Variants in CTNNA3 observed in about 807,000 individuals in gnomAD.
The protein encoded by CTNNA3 is catenin alpha 3, also known as catenin alpha-3.
CTNNA3 carries 76 observed loss-of-function variants against 95.7 expected under a neutral mutation model. The ratio of observed to expected loss-of-function variants is 0.79; its 90% CI spans 0.66 to 0.96. The LOEUF (loss-of-function observed/expected upper bound fraction) is 0.96, where lower values mean the gene tolerates loss of function less well. CTNNA3 is among the 40% of genes least tolerant of loss of function. CTNNA3 has a pLI of 0.00. For missense variants in CTNNA3, 1,191 were observed against 1,089.8 expected, an observed-to-expected ratio of 1.09 and a Z score of -1.31; for synonymous variants, 431 against 374.4, an observed-to-expected ratio of 1.15 and a Z score of -1.74.
intron 11 of CTNNA3, among the ~76,000 whole-genome samples, chr10:66,427,488 A>G (rs1327938474): frequency 3.3e-5 from 5 of 152,088 alleles, no homozygotes; most frequent in African/African-American, 9.7e-5. Context: ...GCACTGAAGA[A>G]AGATTAGTGA....
At chr10:66,103,633 C>T (rs1168979965) in intron 13 of CTNNA3, among the ~76,000 whole-genome samples, 3 of 152,150 alleles carry the variant, frequency 2.0e-5, no homozygotes, top group African/African-American at 7.2e-5. Flanking sequence ...CAAAAGGCCA[C>T]ATATTGTATG....
intron 10 of CTNNA3, among the ~76,000 whole-genome samples, chr10:66,536,377 G>A (rs1238916885): frequency 6.6e-6 from 1 of 150,832 alleles, no homozygotes; most frequent in Non-Finnish European, 1.5e-5. Flanking sequence ...AGCTACTCAG[G>A]AAGCAGAGGC....
At chr10:67,169,040 G>GC (rs1861901530) in intron 7 of CTNNA3, among the ~76,000 whole-genome samples, 1 of 152,100 alleles carries the variant, frequency 6.6e-6, no homozygotes, top group African/African-American at 2.4e-5. Flanking sequence ...ATTCACAATT[G>GC]CCACAAAAAG....
chr10:67,206,828 A>C (rs986799145), intron 6 of CTNNA3, among the ~76,000 whole-genome samples: 3 of 152,010 alleles, frequency 2.0e-5, no homozygotes, highest in African/African-American at 7.2e-5. Flanking sequence ...AATCAAGCCA[A>C]TATCCCATAA....
At chr10:65,978,197 TATC>T (rs1197243387) in intron 16 of CTNNA3, among the ~76,000 whole-genome samples, 1 of 152,154 alleles carries the variant, frequency 6.6e-6, no homozygotes, top group Admixed American at 6.6e-5. Flanking sequence ...CTCCTTTCCT[TATC>T]ATTCTAAGAA....
At chr10:66,353,978 A>G (rs10822818) in intron 12 of CTNNA3, among the ~76,000 whole-genome samples, 80,085 of 151,906 alleles carry the variant, frequency 0.53, 22,982 homozygotes, top group Non-Finnish European at 0.64. Flanking sequence ...TATCCGTGAC[A>G]TTTGTAAAAA....
chr10:66,445,663 C>CA (rs2093414742), intron 11 of CTNNA3, among the ~76,000 whole-genome samples: 1 of 151,800 alleles, frequency 6.6e-6, no homozygotes, highest in Non-Finnish European at 1.5e-5. Context: ...CTCTGGGACA[C>CA]GTTCAAAGCA....
intron 5 of CTNNA3, among the ~76,000 whole-genome samples, chr10:67,361,306 A>G (rs1332082880): frequency 6.6e-6 from 1 of 152,146 alleles, no homozygotes; most frequent in Non-Finnish European, 1.5e-5. Flanking sequence ...TACTCCACTC[A>G]TCAACCACAG....
chr10:67,012,774 G>C (rs1180189462), intron 7 of CTNNA3, among the ~76,000 whole-genome samples: 3 of 151,960 alleles, frequency 2.0e-5, no homozygotes, highest in Non-Finnish European at 4.4e-5. Flanking sequence ...CAAGATTTTT[G>C]TTGGAATTCA....
intron 10 of CTNNA3, among the ~76,000 whole-genome samples, chr10:66,571,610 G>T (rs1267870407): frequency 5.3e-5 from 8 of 152,088 alleles, no homozygotes; most frequent in Non-Finnish European, 1.2e-4. Context: ...TTGGGTTCAA[G>T]GTAGTATACA....
chr10:67,462,330 T>C (rs1847408313), intron 5 of CTNNA3, among the ~76,000 whole-genome samples: 1 of 152,190 alleles, frequency 6.6e-6, no homozygotes. Context: ...AGGTAATTAA[T>C]ATCCTCGATT....
chr10:66,308,897 G>A (rs1052226030), intron 12 of CTNNA3, among the ~76,000 whole-genome samples: 1 of 152,122 alleles, frequency 6.6e-6, no homozygotes, highest in African/African-American at 2.4e-5. Flanking sequence ...AATTGAAGTT[G>A]ACATATGCTC....
At chr10:67,563,554 G>A (rs1841623870) in intron 3 of CTNNA3, among the ~76,000 whole-genome samples, 1 of 152,086 alleles carries the variant, frequency 6.6e-6, no homozygotes. Flanking sequence ...AGAAAACCTA[G>A]GCATTACCAT....
At chr10:66,468,980 TA>T (rs1291275057) in intron 11 of CTNNA3, among the ~76,000 whole-genome samples, 2 of 151,826 alleles carry the variant, frequency 1.3e-5, no homozygotes, top group South Asian at 2.1e-4. Context: ...CATAAAACTT[TA>T]AAAAATAAAT....
chr10:66,285,634 G>T (rs1371775780), intron 12 of CTNNA3, among the ~76,000 whole-genome samples: 2 of 151,102 alleles, frequency 1.3e-5, no homozygotes, highest in Non-Finnish European at 3.0e-5. Context: ...GATGACCTTT[G>T]TTCTTTTATG....
chr10:67,103,605 T>C (rs926987367), intron 7 of CTNNA3, among the ~76,000 whole-genome samples: 2 of 151,650 alleles, frequency 1.3e-5, no homozygotes, highest in African/African-American at 4.8e-5. Flanking sequence ...AATTAAATAA[T>C]TTGCCAAGGC....
At chr10:66,065,074 AG>A (rs1359245070) in intron 15 of CTNNA3, among the ~76,000 whole-genome samples, 1 of 152,172 alleles carries the variant, frequency 6.6e-6, no homozygotes, top group Non-Finnish European at 1.5e-5. Flanking sequence ...AACTGCTAAA[AG>A]GAAAGTAATA....
chr10:66,655,818 A>G (rs1846056422), intron 9 of CTNNA3, among the ~76,000 whole-genome samples: 1 of 152,072 alleles, frequency 6.6e-6, no homozygotes, highest in Non-Finnish European at 1.5e-5. Flanking sequence ...TAAGTTGGAT[A>G]AGTACACAAT....
intron 1 of CTNNA3, among the ~76,000 whole-genome samples, chr10:67,740,375 C>A (rs534124960): frequency 6.6e-6 from 1 of 151,422 alleles, no homozygotes; most frequent in African/African-American, 2.4e-5. Flanking sequence ...ACAGGCAACC[C>A]ACAAAATGGG....
Sources: gnomAD v4.1 joint callset for allele counts (sites outside exome capture counted in the v4.1 genomes callset) on GRCh38, gnomAD v4.1.1 for gene constraint, MANE v1.5 for transcripts, NCBI Gene and HGNC (gene_info 2026-07-23, HGNC 2026-07-21) for gene names.